Variants in ANKRD17 observed in about 807,000 individuals in gnomAD.
ANKRD17 encodes the protein ankyrin repeat domain 17.
A neutral mutation model predicts 229.7 loss-of-function variants in ANKRD17; 19 were observed. The observed-to-expected ratio is 0.08, with a 90% confidence interval of 0.06 to 0.12. The LOEUF (loss-of-function observed/expected upper bound fraction) is 0.12. Ranked by LOEUF, ANKRD17 falls within the 10% of genes least tolerant of loss-of-function variation. The probability of loss-of-function intolerance (pLI) is 1.00; values close to 1 mark genes in which losing one functional copy is unlikely to be tolerated. For missense variants in ANKRD17, 2,176 were observed against 3,176.8 expected, an observed-to-expected ratio of 0.68 and a Z score of 7.57; for synonymous variants, 1,112 against 1,146.1, an observed-to-expected ratio of 0.97 and a Z score of 0.60.
chr4:73,150,839 T>C (rs944787130), intron 7 of ANKRD17, among the ~76,000 whole-genome samples: 2 of 152,068 alleles, frequency 1.3e-5, no homozygotes, highest in Admixed American at 6.5e-5. Flanking sequence ...CATTCCCGAA[T>C]ACAAACTCTA....
chr4:73,105,554 T>G (rs1277244067), intron 24 of ANKRD17, among the ~76,000 whole-genome samples: 2 of 151,854 alleles, frequency 1.3e-5, no homozygotes. Flanking sequence ...GTGGTGGGCA[T>G]CAATAAGAAC....
intron 2 of ANKRD17, among the ~76,000 whole-genome samples, chr4:73,167,801 A>G (rs1448945755): frequency 2.0e-5 from 3 of 152,126 alleles, no homozygotes; most frequent in Non-Finnish European, 4.4e-5. Context: ...TCCTTTTAAT[A>G]ATCCATTCTA....
At chr4:73,113,201 A>G (rs1725536323) in intron 24 of ANKRD17, 3 of 1,287,184 alleles carry the variant, frequency 2.3e-6, no homozygotes, top group Admixed American at 2.3e-5. Flanking sequence ...ATTATAGGGG[A>G]AAATGTGGCA....
chr4:73,159,586 C>A (rs1732224154), intron 3 of ANKRD17, among the ~76,000 whole-genome samples: 1 of 152,148 alleles, frequency 6.6e-6, no homozygotes. Context: ...CAAATATGTT[C>A]TATTTTTTTT....
intron 1 of ANKRD17, among the ~76,000 whole-genome samples, chr4:73,214,944 G>A (rs1740811046): frequency 6.7e-6 from 1 of 149,996 alleles, no homozygotes; most frequent in Admixed American, 6.6e-5. Flanking sequence ...AAAACAGAAA[G>A]CACTTCTATT....
rs150262000 is a variant in ANKRD17 at position 73,077,437 on chromosome 4, C to T, written c.7505G>A (p.Arg2502Gln). The change falls in exon 32 of 34, where the codon CGA (arginine) becomes CAA (glutamine). Residue 2502 changes from arginine to glutamine, a missense_variant. Transcript: ENST00000358602. ...AGGAGTTACAATTCCTGTACTATCT[C>T]GCTCCATTGCTTGATGTTGTGAAAA... is the stretch of plus-strand genomic sequence containing the variant. ...GVFSQHQAME[R>Q]DSTGIVTPSG... The T allele has an allele frequency of 4.0e-4, 651 of 1,613,682 alleles. No individual in the cohort carries two copies. Among genetic ancestry groups the T allele is most frequent in the Non-Finnish European group, 5.4e-4 (634 of 1,179,858 alleles).
Position 73,142,389 on chromosome 4 carries a change from A to C in ANKRD17, c.2086-4T>G. The C allele has an allele frequency of 1.3e-6, 2 of 1,587,456 alleles. No individual in the cohort carries two copies. Among genetic ancestry groups the C allele is most frequent in the Non-Finnish European group, 1.7e-6 (2 of 1,174,096 alleles). ...CTATCAACATAGTTGAGCCATCCTA[A>C]AAGAGTGAATATGGAAGGGGAAAAA... is the stretch of plus-strand genomic sequence containing the variant. On this transcript the variant is annotated splice_region_variant and splice_polypyrimidine_tract_variant and intron_variant, in intron 12 of 33. Transcript: ENST00000358602.
chr4:73,105,888 T>G (rs1022144251), intron 24 of ANKRD17, among the ~76,000 whole-genome samples: 2 of 152,126 alleles, frequency 1.3e-5, no homozygotes, highest in African/African-American at 4.8e-5. Flanking sequence ...CAGTAGAAAT[T>G]GAAGATAAAG....
intron 7 of ANKRD17, among the ~76,000 whole-genome samples, chr4:73,150,639 T>C (rs763345704): frequency 1.1e-4 from 16 of 152,128 alleles, no homozygotes; most frequent in Non-Finnish European, 2.9e-5. Flanking sequence ...TTTTAAAAAA[T>C]AGTAAATAAA....
chr4:73,148,177 A>C (rs1730536027), intron 8 of ANKRD17, among the ~76,000 whole-genome samples: 1 of 152,222 alleles, frequency 6.6e-6, no homozygotes, highest in Admixed American at 6.5e-5. Context: ...AAATAAAAAC[A>C]AAAGTTTTTT....
chr4:73,197,698 T>C (rs1158021665), intron 1 of ANKRD17, among the ~76,000 whole-genome samples: 3 of 151,994 alleles, frequency 2.0e-5, no homozygotes, highest in Non-Finnish European at 4.4e-5. Context: ...CAGCCGGGCA[T>C]ACGAGCATGC....
At chr4:73,240,321 G>C (rs1243335885) in intron 1 of ANKRD17, among the ~76,000 whole-genome samples, 1 of 152,010 alleles carries the variant, frequency 6.6e-6, no homozygotes, top group African/African-American at 2.4e-5. Flanking sequence ...AAGAAAAATT[G>C]CTTCAAAAGA....
chr4:73,207,840 C>T (rs1015522096), intron 1 of ANKRD17, among the ~76,000 whole-genome samples: 3 of 152,138 alleles, frequency 2.0e-5, no homozygotes, highest in Non-Finnish European at 4.4e-5. Context: ...GAGATTTCAA[C>T]ATTCCTCTCT....
intron 14 of ANKRD17, among the ~76,000 whole-genome samples, chr4:73,141,360 T>G (rs2148817841): frequency 6.6e-6 from 1 of 152,342 alleles, no homozygotes; most frequent in East Asian, 1.9e-4. Flanking sequence ...CATTCTAAAA[T>G]AAATTTCTAA....
At chr4:73,171,338 T>TA (rs1210563099) in intron 2 of ANKRD17, among the ~76,000 whole-genome samples, 7 of 152,082 alleles carry the variant, frequency 4.6e-5, no homozygotes, top group African/African-American at 1.2e-4. Context: ...TATGAATCCA[T>TA]AAAAAATCAT....
chr4:73,116,641 A>G (rs575341853), intron 22 of ANKRD17, among the ~76,000 whole-genome samples: 1 of 152,272 alleles, frequency 6.6e-6, no homozygotes, highest in East Asian at 1.9e-4. Flanking sequence ...GAATAGCTCA[A>G]ATGCCACTTG....
At chr4:73,237,065 A>C (rs1455867729) in intron 1 of ANKRD17, among the ~76,000 whole-genome samples, 1 of 152,222 alleles carries the variant, frequency 6.6e-6, no homozygotes, top group Non-Finnish European at 1.5e-5. Flanking sequence ...GGTTTAATGA[A>C]ACTGGAATCT....
chr4:73,194,244 G>A (rs1195235229), intron 1 of ANKRD17, among the ~76,000 whole-genome samples: 1 of 152,134 alleles, frequency 6.6e-6, no homozygotes. Flanking sequence ...TTACATTGAG[G>A]CATATGATTA....
intron 4 of ANKRD17, 97 bp from the exon 5 acceptor site, chr4:73,155,875 G>T: frequency 2.0e-6 from 3 of 1,490,562 alleles, no homozygotes; most frequent in Non-Finnish European, 2.7e-6. Context: ...CATAGTAAAA[G>T]AGCTATAAGC....
Sources: allele counts gnomAD v4.1 joint callset (sites outside exome capture counted in the v4.1 genomes callset), GRCh38; gene constraint gnomAD v4.1.1; transcripts MANE v1.5; gene names NCBI Gene and HGNC (gene_info 2026-07-23, HGNC 2026-07-21).